The following ZBTB20 variants were observed in gnomAD, a reference collection of about 807,000 sequenced individuals.
ZBTB20 encodes the protein zinc finger and BTB domain-containing protein 20.
ZBTB20 carries 9 observed loss-of-function variants against 56.9 expected under a neutral mutation model. That is an observed-to-expected ratio of 0.16 (90% CI 0.10 to 0.28). The LOEUF is 0.28. Among genes scored for constraint, ZBTB20 ranks in the 10% least tolerant of loss-of-function variants. The pLI is 1.00. For missense variants in ZBTB20, 655 were observed against 1,003.0 expected (o/e 0.65, Z 4.69); for synonymous variants, 417 against 420.7 (o/e 0.99, Z 0.11).
intron 2 of ZBTB20, among the ~76,000 whole-genome samples, chr3:115,064,951 C>A (rs1055975656): frequency 3.3e-5 from 5 of 152,068 alleles, no homozygotes; most frequent in African/African-American, 9.7e-5. Flanking sequence ...TTTTTATGGG[C>A]ACTCAGAAGA....
chr3:114,546,450 A>C (rs1292088775), intron 6 of ZBTB20, among the ~76,000 whole-genome samples: 1 of 151,970 alleles, frequency 6.6e-6, no homozygotes, highest in African/African-American at 2.4e-5. Flanking sequence ...ACCCAGGAGG[A>C]GTCCTGAGTG....
rs566150867 is a variant in ZBTB20, at chr3:114,502,066, T to G, written c.-294-1675A>C. On this transcript the variant is annotated intron_variant, in intron 6 of 11. Transcript: ENST00000675478. ...TAAAACTGAAGTAGGAGGAGAGCCA[T>G]GACAAATTAATAAACCAAAAAAAGA... 4.6e-5 allele frequency among the ~76,000 whole-genome samples: 7 copies of G among 152,092 alleles called. No homozygotes were observed. The East Asian group carries it at 1.2e-3, about 25-fold the overall frequency.
intron 3 of ZBTB20, among the ~76,000 whole-genome samples, chr3:114,930,278 A>G (rs1378517643): frequency 6.6e-6 from 1 of 152,240 alleles, no homozygotes; most frequent in Non-Finnish European, 1.5e-5. Flanking sequence ...AACAGCAGAA[A>G]GACGAGGTAC....
At chr3:114,540,412 T>C (rs74978753) in intron 6 of ZBTB20, among the ~76,000 whole-genome samples, 1,818 of 152,218 alleles carry the variant, frequency 0.012, 37 homozygotes, top group African/African-American at 0.039. Flanking sequence ...TGAGAGTATC[T>C]GGTTTGTTAG....
intron 2 of ZBTB20, among the ~76,000 whole-genome samples, chr3:115,042,245 T>G (rs1418618159): frequency 1.3e-5 from 2 of 152,224 alleles, no homozygotes; most frequent in Non-Finnish European, 2.9e-5. Context: ...GTGTTCCAAC[T>G]ACTTAAAACC....
At chr3:114,364,476 C>A (rs1411509086) in intron 10 of ZBTB20, among the ~76,000 whole-genome samples, 1 of 152,116 alleles carries the variant, frequency 6.6e-6, no homozygotes, top group Non-Finnish European at 1.5e-5. Flanking sequence ...CATCCCCCAA[C>A]AATTTATGCA....
intron 7 of ZBTB20, among the ~76,000 whole-genome samples, chr3:114,413,005 T>C (rs1289658495): frequency 1.3e-5 from 2 of 152,094 alleles, no homozygotes; most frequent in African/African-American, 2.4e-5. Context: ...GAGCATAGAG[T>C]GTAATTTTGA....
intron 4 of ZBTB20, among the ~76,000 whole-genome samples, chr3:114,832,475 A>G (rs2073903443): frequency 6.6e-6 from 1 of 152,098 alleles, no homozygotes; most frequent in Non-Finnish European, 1.5e-5. Flanking sequence ...TCTTCAAAGA[A>G]TGTGGCAATC....
At chr3:115,050,614 G>A (rs1323988289) in intron 2 of ZBTB20, among the ~76,000 whole-genome samples, 2 of 151,970 alleles carry the variant, frequency 1.3e-5, no homozygotes, top group Non-Finnish European at 2.9e-5. Flanking sequence ...ATCTCTCAAT[G>A]ATTTATTAAC....
intron 4 of ZBTB20, among the ~76,000 whole-genome samples, chr3:114,817,171 GA>G (rs2072976036): frequency 6.9e-6 from 1 of 144,720 alleles, no homozygotes; most frequent in Non-Finnish European, 1.5e-5. Context: ...AAGTCTATAT[GA>G]AATATATTTA....
intron 4 of ZBTB20, among the ~76,000 whole-genome samples, chr3:114,817,098 C>T (rs919099491): frequency 6.6e-6 from 1 of 152,016 alleles, no homozygotes; most frequent in African/African-American, 2.4e-5. Flanking sequence ...TAAGAACTGA[C>T]ACATTTGCTA....
At chr3:114,955,382 T>C (rs756161764) in intron 3 of ZBTB20, among the ~76,000 whole-genome samples, 64 of 152,236 alleles carry the variant, frequency 4.2e-4, no homozygotes, top group Non-Finnish European at 7.3e-4. Flanking sequence ...TACGAAATTG[T>C]CTTTTTCTCT....
rs1035271061 is a variant in ZBTB20 at position 114,380,323 on chromosome 3, C to G, written c.93G>C (p.Pro31=). The change falls in exon 10 of 12, where the codon CCG becomes CCC. Residue 31 remains proline (P), a synonymous_variant. Transcript: ENST00000675478. ...ITQPGGSSAK[P]GLPCLNFEAV... Reference sequence around the variant, plus strand: ...CTTCAAAGTTCAGGCAGGGAAGGCCCGGCTTGGCGCTGGATCCACCCGGCT... The same window carrying G: ...CTTCAAAGTTCAGGCAGGGAAGGCCGGGCTTGGCGCTGGATCCACCCGGCT... 5 of 1,537,034 alleles carry G rather than the reference C, an allele frequency of 3.3e-6. No individual in the cohort carries two copies. The highest frequency in any genetic ancestry group is 1.4e-5 in the African/African-American group (1 of 73,016).
At chr3:114,876,972 A>G (rs993881670) in intron 4 of ZBTB20, among the ~76,000 whole-genome samples, 5 of 152,206 alleles carry the variant, frequency 3.3e-5, no homozygotes, top group African/African-American at 9.6e-5. Context: ...TCCTAAACAG[A>G]ACTATGCTGC....
At chr3:115,023,852 A>G (rs2080305393) in intron 2 of ZBTB20, among the ~76,000 whole-genome samples, 1 of 151,082 alleles carries the variant, frequency 6.6e-6, no homozygotes, top group Non-Finnish European at 1.5e-5. Flanking sequence ...AGTACTTCCA[A>G]GCATAACTAG....
At chr3:114,578,025 T>C (rs567697187) in intron 6 of ZBTB20, among the ~76,000 whole-genome samples, 1 of 152,110 alleles carries the variant, frequency 6.6e-6, no homozygotes, top group Non-Finnish European at 1.5e-5. Context: ...TATCTGACAA[T>C]GACCTCAGCA....
chr3:114,373,622 T>C (rs2083283874), intron 10 of ZBTB20, among the ~76,000 whole-genome samples: 1 of 152,284 alleles, frequency 6.6e-6, no homozygotes, highest in South Asian at 2.1e-4. Context: ...AAGAGGCTCT[T>C]TCCTCGGGGG....
intron 6 of ZBTB20, among the ~76,000 whole-genome samples, chr3:114,673,276 G>A (rs1210834251): frequency 6.6e-6 from 1 of 152,080 alleles, no homozygotes; most frequent in African/African-American, 2.4e-5. Flanking sequence ...GCTCAGCACT[G>A]TGACACAGGC....
At chr3:114,466,662 G>A (rs1049545258) in intron 7 of ZBTB20, among the ~76,000 whole-genome samples, 1 of 152,132 alleles carries the variant, frequency 6.6e-6, no homozygotes, top group Admixed American at 6.6e-5. Context: ...TGGATGTTTT[G>A]GGTCTCCCAA....
Sources: allele counts gnomAD v4.1 joint callset (sites outside exome capture counted in the v4.1 genomes callset), GRCh38; gene constraint gnomAD v4.1.1; transcripts MANE v1.5; gene names NCBI Gene and HGNC (gene_info 2026-07-23, HGNC 2026-07-21).